The following STARD9 variants were observed in gnomAD, a reference collection of about 807,000 sequenced individuals.
STARD9 encodes stAR-related lipid transfer protein 9.
Under a neutral mutation model 399.8 loss-of-function variants are expected in STARD9, and 346 were observed. The observed-to-expected ratio is 0.87, with a 90% CI of 0.79 to 0.95. STARD9 has a LOEUF of 0.95. Among genes scored for constraint, STARD9 ranks in the 40% least tolerant of loss-of-function variants. The pLI is 0.00. For missense variants in STARD9, 5,832 were observed against 5,667.5 expected (o/e 1.03, Z -0.93); for synonymous variants, 2,203 against 2,143.5 (o/e 1.03, Z -0.77).
In STARD9 at chr15:42,694,333, T is replaced by C. The variant is rs1374921159; in HGVS notation, c.12755T>C (p.Leu4252Pro). ...DEPVTSTWKE[L>P]YARQKKAIET... ...CCTGTGACATCCACCTGGAAGGAGC[T>C]CTATGCACGGTAAGGACCCCCAGCC... Residue 4252 changes from leucine (L) to proline (P), a missense_variant, in exon 23 of 33, where the codon CTC becomes CCC. Around this residue, in one of 2 missense-constraint regions of STARD9, gnomAD observed 5,828 missense variants for 5,651.1 expected, o/e 1.03. Transcript: ENST00000290607. 6.5e-7 allele frequency: 1 copy of C among 1,527,686 alleles called. No individual in the cohort carries two copies. The highest frequency in any genetic ancestry group is 8.8e-7 in the Non-Finnish European group (1 of 1,141,542). The allele number at this position is 1,527,686 out of a possible 1,614,324, so 94.6% of individuals were successfully genotyped here.
At chr15:42,610,873 A>T (rs2058834792) in intron 3 of STARD9, among the ~76,000 whole-genome samples, 1 of 152,180 alleles carries the variant, frequency 6.6e-6, no homozygotes, top group South Asian at 2.1e-4. Flanking sequence ...TAACTGATAG[A>T]TTACTCACTG....
intron 3 of STARD9, among the ~76,000 whole-genome samples, chr15:42,601,592 C>T (rs531422280): frequency 1.3e-4 from 19 of 150,696 alleles, no homozygotes; most frequent in Non-Finnish European, 2.7e-4. Context: ...CCCCACCTCC[C>T]GGACGGGGCG....
chr15:42,601,204 A>G (rs1213185291), intron 3 of STARD9, among the ~76,000 whole-genome samples: 3 of 152,170 alleles, frequency 2.0e-5, no homozygotes, highest in Non-Finnish European at 4.4e-5. Flanking sequence ...GATTAACAGC[A>G]TCCCAAGGCA....
chr15:42,685,105 G>A lies in STARD9; in HGVS notation c.3527G>A (p.Arg1176Lys), dbSNP rs563833340. The A allele has an allele frequency of 1.3e-6, 2 of 1,537,220 alleles. No homozygotes were observed. The highest frequency in any genetic ancestry group is 1.7e-6 in the Non-Finnish European group (2 of 1,146,938). The change falls in exon 23 of 33, where the codon AGG becomes AAG. Residue 1176 changes from arginine (R) to lysine (K), a missense_variant. By Grantham distance (26) the Arg-to-Lys change is conservative. This residue lies in a region of STARD9 where 5,828 missense variants were observed against 5,651.1 expected (regional missense o/e 1.03). Coordinates refer to ENST00000290607, the MANE Select transcript of STARD9 (RefSeq NM_020759.3). ...CCCACCAACAACCGTGGCCAACCCAGGACCAGAACTAGAGCTTCTGTGAGG... is the reference window on the plus strand; with the variant it reads ...CCCACCAACAACCGTGGCCAACCCAAGACCAGAACTAGAGCTTCTGTGAGG... The part of the protein sequence containing the change: ...NRPTNNRGQP[R>K]TRTRASVRGF...
chr15:42,662,794 C>G lies in STARD9; in HGVS notation c.771C>G (p.Ser257Arg). The change falls in exon 11 of 33, where the codon AGC (serine) becomes AGG (arginine). Residue 257 changes from serine (S) to arginine (R), a missense_variant and splice_region_variant. This residue lies in a region of STARD9 where 5,828 missense variants were observed against 5,651.1 expected (regional missense o/e 1.03). Transcript: ENST00000290607. ...TTGTTTTTCATTGACTGTGTTTTAG[C>G]GAAAGAGCAGATCCCAGTTACTGTA... ...SKINLVDLAG[S>R]ERADPSYCKD... 6.5e-7 allele frequency: 1 copy of G among 1,535,532 alleles called. No homozygotes were observed. The highest frequency in any genetic ancestry group is 2.4e-5 in the East Asian group (1 of 40,872).
At position 42,693,968 on chromosome 15, in the gene STARD9, C is replaced by A. The variant is rs2060779331; in HGVS notation, c.12390C>A (p.His4130Gln). The A allele has an allele frequency of 2.0e-6, 3 of 1,506,416 alleles. No individual in the cohort carries two copies. The highest frequency in any genetic ancestry group is 1.8e-6 in the Non-Finnish European group (2 of 1,129,318). The allele number at this position is 1,506,416 out of a possible 1,614,324, so 93.3% of individuals were successfully genotyped here. A position where few individuals can be genotyped will look rare whatever the true frequency, so the allele number is the denominator to read the frequency against. ...CQMCMAPEHQ[H>Q]HSLRDLPVHN... ...TGTGCATGGCCCCTGAGCACCAGCA[C>A]CACAGTCTGAGGGACCTCCCGGTGC... Residue 4130 changes from histidine (H) to glutamine (Q), a missense_variant, in exon 23 of 33, where the codon CAC (histidine) becomes CAA (glutamine). This residue lies in a region of STARD9 where 5,828 missense variants were observed against 5,651.1 expected (regional missense o/e 1.03). Transcript: ENST00000290607.
At chr15:42,647,213 A>G (rs531595463) in intron 7 of STARD9, among the ~76,000 whole-genome samples, 5 of 152,210 alleles carry the variant, frequency 3.3e-5, no homozygotes, top group Non-Finnish European at 5.9e-5. Flanking sequence ...AATATGTATT[A>G]TACAATTGTT....
chr15:42,646,053 CG>C (rs2141968900), intron 7 of STARD9, among the ~76,000 whole-genome samples: 1 of 152,004 alleles, frequency 6.6e-6, no homozygotes, highest in Non-Finnish European at 1.5e-5. Context: ...TCCAGCTACT[CG>C]GGAGGCTAAG....
intron 3 of STARD9, among the ~76,000 whole-genome samples, chr15:42,620,105 G>T (rs1181746630): frequency 3.9e-5 from 6 of 152,056 alleles, no homozygotes; most frequent in Non-Finnish European, 8.8e-5. Context: ...TTCCATTTTT[G>T]TTGGTTCTAG....
In STARD9 at chr15:42,685,681, C is replaced by T. The variant is rs2060536420; in HGVS notation, c.4103C>T (p.Ser1368Phe). 6.5e-7 allele frequency: 1 copy of T among 1,537,262 alleles called. No individual in the cohort carries two copies. Among genetic ancestry groups the T allele is most frequent in the South Asian group, 1.2e-5 (1 of 84,058 alleles). The change falls in exon 23 of 33, where the codon TCC becomes TTC. Residue 1368 changes from serine to phenylalanine, a missense_variant. By Grantham distance (155) the Ser-to-Phe change is radical. Transcript: ENST00000290607. ...CPSPDMQEFH[S>F]CKGERPGYWP... ...AGTCCTGATATGCAGGAATTTCACT[C>T]CTGTAAGGGGGAGAGGCCTGGATAC... is the stretch of plus-strand genomic sequence containing the variant.
intron 7 of STARD9, among the ~76,000 whole-genome samples, chr15:42,639,030 A>T (rs554354148): frequency 6.6e-6 from 1 of 152,230 alleles, no homozygotes; most frequent in Admixed American, 6.5e-5. Context: ...AACAATTACA[A>T]GTAGTGATAA....
chr15:42,650,945 C>A, intron 7 of STARD9, 71 bp from the exon 8 acceptor site: 1 of 1,107,650 alleles, frequency 9.0e-7, no homozygotes, highest in Non-Finnish European at 1.3e-6. Flanking sequence ...ATGATAAAGA[C>A]TTACAAGAAA....
chr15:42,638,665 A>G, intron 6 of STARD9, 35 bp from the exon 7 acceptor site: 6 of 1,421,274 alleles, frequency 4.2e-6, no homozygotes, highest in Non-Finnish European at 5.7e-6. Context: ...TTTTTTCAAA[A>G]TATAATTATG....
chr15:42,691,966 C>G lies in STARD9; in HGVS notation c.10388C>G (p.Ser3463Cys). Residue 3463 changes from serine (S) to cysteine (C), a missense_variant, in exon 23 of 33, where the codon TCC becomes TGC. By Grantham distance (112) the Ser-to-Cys change is moderately radical. Coordinates refer to ENST00000290607, the MANE Select transcript of STARD9 (RefSeq NM_020759.3). Reference protein sequence around the residue: ...QMDKGMLHFGSSDISPYALPW... With the variant: ...QMDKGMLHFGCSDISPYALPW... ...GACAAAGGAATGCTGCACTTTGGCT[C>G]CAGTGACATCAGTCCCTATGCGCTG... 1 of 1,537,254 alleles carries G rather than the reference C, an allele frequency of 6.5e-7. No individual in the cohort carries two copies. Among genetic ancestry groups the G allele is most frequent in the Non-Finnish European group, 8.7e-7 (1 of 1,146,910 alleles).
rs765573235 is a variant in STARD9, at chr15:42,649,862, C to CTT, written c.560-1134_560-1133dup. Reference sequence around the variant, plus strand: ...ACAGGCATGAGGCACCGAGCCTGGCCTTTTTTTTTTTTTTTTTTTTTGAGA... The same window carrying CTT: ...ACAGGCATGAGGCACCGAGCCTGGCCTTTTTTTTTTTTTTTTTTTTTTTGAGA... On this transcript the variant is annotated intron_variant, in intron 7 of 32. Transcript: ENST00000290607. 3.1e-3 allele frequency among the ~76,000 whole-genome samples: 327 copies of CTT among 107,204 alleles called. 13 individuals carry two copies. The highest frequency in any genetic ancestry group is 9.7e-3 in the African/African-American group (243 of 25,070). The allele number at this position is 107,204 out of a possible 152,430, so 70.3% of individuals were successfully genotyped here.
Position 42,694,682 on chromosome 15 carries a change from G to A in STARD9, c.12919G>A (p.Glu4307Lys). 6.5e-7 allele frequency: 1 copy of A among 1,537,212 alleles called. No homozygotes were observed. Among genetic ancestry groups the A allele is most frequent in the Non-Finnish European group, 8.7e-7 (1 of 1,146,904 alleles). The part of the protein sequence containing the change: ...WDLDLPSRRR[E>K]YLQQLRKDVV... ...TCTTGACTTGCCCAGCAGACGCCGA[G>A]AATACCTGCAGCAACTGAGGAAGGA... Residue 4307 changes from glutamate (E) to lysine (K), a missense_variant, in exon 24 of 33, where the codon GAA becomes AAA. This residue lies in a region of STARD9 where 5,828 missense variants were observed against 5,651.1 expected (regional missense o/e 1.03). Transcript: ENST00000290607.
At chr15:42,670,060 TAAATA>T (rs1366447750) in intron 16 of STARD9, 1 of 151,752 alleles carries the variant, frequency 6.6e-6, no homozygotes, top group South Asian at 2.1e-4. Context: ...CAAAAATAAA[TAAATA>T]AAATAAATAA....
intron 26 of STARD9, among the ~76,000 whole-genome samples, chr15:42,696,890 A>G (rs2060857769): frequency 6.6e-6 from 1 of 152,190 alleles, no homozygotes; most frequent in Non-Finnish European, 1.5e-5. Context: ...TGATGAGTTC[A>G]GGTTTGTACT....
chr15:42,674,605 G>C lies in STARD9; in HGVS notation c.1549+114G>C. On this transcript the variant is annotated intron_variant, in intron 17 of 32. Coordinates refer to ENST00000290607, the MANE Select transcript of STARD9 (RefSeq NM_020759.3). ...AGAAGGGAATCATTGGCGTATTCAGGGCCTGCTTCTCTTTCTGCTGCTAGG... is the reference window on the plus strand; with the variant it reads ...AGAAGGGAATCATTGGCGTATTCAGCGCCTGCTTCTCTTTCTGCTGCTAGG... 3 of 1,218,858 alleles carry C rather than the reference G, an allele frequency of 2.5e-6. No individual in the cohort carries two copies. In the South Asian group the frequency reaches 4.2e-5, roughly 17 times the overall value. 75.5% of individuals were successfully genotyped at this position (1,218,858 alleles called of 1,614,324 possible).
Sources: allele counts gnomAD v4.1 joint callset (sites outside exome capture counted in the v4.1 genomes callset), GRCh38; gene constraint gnomAD v4.1.1; regional missense constraint gnomAD v4.1.1; transcripts MANE v1.5; gene names NCBI Gene and HGNC (gene_info 2026-07-23, HGNC 2026-07-21).